RXRA: variants seen among roughly 807,000 people sequenced by gnomAD.
The protein encoded by RXRA is retinoic acid receptor RXR-alpha.
In RXRA, 5 loss-of-function variants were observed where a neutral mutation model predicts 44.5. The ratio of observed to expected loss-of-function variants is 0.11; its 90% CI spans 0.06 to 0.24. The LOEUF (loss-of-function observed/expected upper bound fraction) is 0.24, where lower values mean the gene tolerates loss of function less well. Among genes scored for constraint, RXRA ranks in the 10% least tolerant of loss-of-function variants. The probability of loss-of-function intolerance (pLI) is 1.00; values close to 1 mark genes in which losing one functional copy is unlikely to be tolerated. For missense variants in RXRA, 412 were observed against 646.5 expected (o/e 0.64, Z 3.93); for synonymous variants, 291 against 271.4 (o/e 1.07, Z -0.71).
chr9:134,340,346 C>T (rs1307994699), intron 1 of RXRA, among the ~76,000 whole-genome samples: 5 of 152,136 alleles, frequency 3.3e-5, no homozygotes, highest in African/African-American at 1.2e-4. Context: ...CTTTGGCCAT[C>T]GTGGGGATGG....
chr9:134,349,516 C>T lies in RXRA; in HGVS notation c.28+22857C>T, dbSNP rs1169742431. 6.6e-6 allele frequency among the ~76,000 whole-genome samples: 1 copy of T among 152,184 alleles called. No individual in the cohort carries two copies. Among genetic ancestry groups the T allele is most frequent in the Admixed American group, 6.5e-5 (1 of 15,282 alleles). On this transcript the variant is annotated intron_variant, in intron 1 of 9. Coordinates refer to ENST00000481739, the MANE Select transcript of RXRA (RefSeq NM_002957.6). This position sits in a 1 kb window ranked among gnomAD's most constrained non-coding sequence, Gnocchi z 4.3. ...GTGGTGCTGCGGGGGTGGCTCGGCC[C>T]TGAAGCTCGTGGCGGGCAGGAGTGT...
chr9:134,378,233 C>T (rs991377754), intron 1 of RXRA, among the ~76,000 whole-genome samples: 1 of 152,258 alleles, frequency 6.6e-6, no homozygotes, highest in South Asian at 2.1e-4. Flanking sequence ...GAGTCCCTGG[C>T]TGGATGCTGT....
chr9:134,389,449 T>TG (rs961237480), intron 1 of RXRA, among the ~76,000 whole-genome samples: 8 of 151,326 alleles, frequency 5.3e-5, no homozygotes, highest in Admixed American at 2.0e-4. Context: ...CTTTGGACTT[T>TG]GGGGGTATAA....
At chr9:134,401,950 A>C in intron 2 of RXRA, 68 bp downstream of exon 2, 1 of 1,297,492 alleles carries the variant, frequency 7.7e-7, no homozygotes, top group Non-Finnish European at 1.1e-6. Flanking sequence ...CAACTGCAGG[A>C]CGACCGCCTC....
At chr9:134,363,232 C>T (rs1830374957) in intron 1 of RXRA, among the ~76,000 whole-genome samples, 1 of 152,168 alleles carries the variant, frequency 6.6e-6, no homozygotes, top group African/African-American at 2.4e-5. Context: ...CAAGTCATGG[C>T]CACGGGCGAG....
intron 4 of RXRA, among the ~76,000 whole-genome samples, chr9:134,416,636 C>A (rs540075990): frequency 1.2e-3 from 178 of 152,140 alleles, no homozygotes; most frequent in African/African-American, 3.8e-3. Context: ...TGTCTCTGAG[C>A]CTGTCCCTCC....
Position 134,436,626 on chromosome 9 carries a change from C to T in RXRA, c.*12C>T, listed in dbSNP as rs1831626493. ...ACCAAATGACTTAGGCCTGCGGGCC[C>T]ATCCTTTGTGCCCACCCGTTCTGGC... is the stretch of plus-strand genomic sequence containing the variant. On this transcript the variant is annotated 3_prime_UTR_variant, in exon 10 of 10. Transcript: ENST00000481739. 6.2e-7 allele frequency: 1 copy of T among 1,613,622 alleles called. No individual in the cohort carries two copies. Among genetic ancestry groups the T allele is most frequent in the African/African-American group, 1.3e-5 (1 of 75,066 alleles).
At chr9:134,337,958 C>A (rs1428957558) in intron 1 of RXRA, among the ~76,000 whole-genome samples, 2 of 152,176 alleles carry the variant, frequency 1.3e-5, no homozygotes, top group African/African-American at 2.4e-5. Context: ...TGGGTGACTG[C>A]GCCCCCAGTG....
In RXRA at chr9:134,349,139, A is replaced by AAC. The variant is rs1830190610; in HGVS notation, c.28+22483_28+22484dup. On this transcript the variant is annotated intron_variant, in intron 1 of 9. Coordinates refer to ENST00000481739, the MANE Select transcript of RXRA (RefSeq NM_002957.6). The surrounding 1 kb of genome is among the most constrained non-coding windows in gnomAD (Gnocchi z 4.3). The stretch of plus-strand genomic sequence containing the variant: ...TCACCGAGGGCCAGGAGGGGTCCTG[A>AAC]ACACTGCCCTGCCTCATGAGGGCCT... 6.6e-6 allele frequency among the ~76,000 whole-genome samples: 1 copy of AAC among 152,176 alleles called. No individual in the cohort carries two copies. The highest frequency in any genetic ancestry group is 1.5e-5 in the Non-Finnish European group (1 of 68,036).
chr9:134,338,539 C>A (rs1359036054), intron 1 of RXRA, among the ~76,000 whole-genome samples: 5 of 152,366 alleles, frequency 3.3e-5, no homozygotes, highest in African/African-American at 9.6e-5. Context: ...CCACGTGCGT[C>A]TGGCCGCAGT....
chr9:134,429,628 C>T (rs1020586006), intron 7 of RXRA, among the ~76,000 whole-genome samples: 2 of 152,180 alleles, frequency 1.3e-5, no homozygotes, highest in Non-Finnish European at 2.9e-5. Flanking sequence ...CGTGGCAGCC[C>T]GGGGCGTGGT....
chr9:134,424,484 A>G (rs1479840678), intron 6 of RXRA: 3 of 985,378 alleles, frequency 3.0e-6, no homozygotes, highest in East Asian at 1.1e-4. Flanking sequence ...CGAGGGCCGC[A>G]TGGTGAGGTC....
intron 9 of RXRA, among the ~76,000 whole-genome samples, 195 bp downstream of exon 9, chr9:134,434,402 C>T (rs976523092): frequency 2.0e-5 from 3 of 152,102 alleles, no homozygotes; most frequent in Non-Finnish European, 4.4e-5. Flanking sequence ...CACAGGCCCA[C>T]GTCGTATCCC....
intron 1 of RXRA, among the ~76,000 whole-genome samples, chr9:134,354,020 A>G (rs782452301): frequency 6.6e-6 from 1 of 152,200 alleles, no homozygotes; most frequent in African/African-American, 2.4e-5. Flanking sequence ...GAAAGGGGGC[A>G]GAGGCAAAGA....
chr9:134,358,962 T>C (rs1830317116), intron 1 of RXRA, among the ~76,000 whole-genome samples: 1 of 152,150 alleles, frequency 6.6e-6, no homozygotes, highest in South Asian at 2.1e-4. Flanking sequence ...TCATTAAGCG[T>C]TGCGCCCACT....
rs1275778131 is a variant in RXRA, at chr9:134,365,563, G to T, written c.29-36069G>T. 6.6e-6 allele frequency among the ~76,000 whole-genome samples: 1 copy of T among 152,196 alleles called. No individual in the cohort carries two copies. The highest frequency in any genetic ancestry group is 1.5e-5 in the Non-Finnish European group (1 of 68,040). ...AGGCTGGGGCTGCACTGGGGCCTGG[G>T]TGGTAGGGGGTGATCTGCTTGTCCA... On this transcript the variant is annotated intron_variant, in intron 1 of 9. Transcript: ENST00000481739. The surrounding 1 kb of genome is among the most constrained non-coding windows in gnomAD (Gnocchi z 4.0).
At chr9:134,408,900 C>T (rs774590311) in intron 3 of RXRA, 40 bp from the exon 4 acceptor site, 56 of 1,437,446 alleles carry the variant, frequency 3.9e-5, no homozygotes, top group African/African-American at 1.5e-4. Context: ...CCTGCCGGGG[C>T]GGTGGGTGCT....
At chr9:134,336,113 C>T (rs782082638) in intron 1 of RXRA, among the ~76,000 whole-genome samples, 22 of 152,172 alleles carry the variant, frequency 1.4e-4, no homozygotes, top group Non-Finnish European at 2.5e-4. Flanking sequence ...GCGGGGCCTT[C>T]GTCAGGGGTG....
chr9:134,360,138 G>A (rs1445700604), intron 1 of RXRA, among the ~76,000 whole-genome samples: 6 of 152,194 alleles, frequency 3.9e-5, no homozygotes, highest in Non-Finnish European at 5.9e-5. Flanking sequence ...AGGCCCCCGC[G>A]ATTGCTCTGT....
Sources: allele counts gnomAD v4.1 joint callset (sites outside exome capture counted in the v4.1 genomes callset), GRCh38; gene constraint gnomAD v4.1.1; non-coding constraint Gnocchi (gnomAD v3.1); transcripts MANE v1.5; gene names NCBI Gene and HGNC (gene_info 2026-07-23, HGNC 2026-07-21).